Variants in AMPH observed in about 807,000 individuals in gnomAD.
The protein encoded by AMPH is amphiphysin.
AMPH carries 49 observed loss-of-function variants against 99.1 expected under a neutral mutation model. The ratio of observed to expected loss-of-function variants is 0.49; its 90% CI spans 0.39 to 0.63. The LOEUF (loss-of-function observed/expected upper bound fraction) is 0.63. Among genes scored for constraint, AMPH ranks in the 20% least tolerant of loss-of-function variants. AMPH has a pLI of 0.00. For synonymous variants in AMPH, 314 were observed against 317.3 expected (o/e 0.99, Z 0.11); for missense variants, 759 against 863.4 (o/e 0.88, Z 1.52).
At chr7:38,492,673 C>A (rs952009904) in intron 4 of AMPH, among the ~76,000 whole-genome samples, 1 of 152,118 alleles carries the variant, frequency 6.6e-6, no homozygotes, top group East Asian at 1.9e-4. Flanking sequence ...ATCACAAGAG[C>A]CTATGTTTGC....
intron 17 of AMPH, among the ~76,000 whole-genome samples, chr7:38,410,779 C>T (rs903724851): frequency 2.0e-5 from 3 of 152,156 alleles, no homozygotes; most frequent in Non-Finnish European, 2.9e-5. Flanking sequence ...CAAATACATC[C>T]CCTTTGAAAT....
At chr7:38,511,390 T>C (rs1333301282) in intron 2 of AMPH, among the ~76,000 whole-genome samples, 1 of 152,226 alleles carries the variant, frequency 6.6e-6, no homozygotes, top group East Asian at 1.9e-4. Flanking sequence ...TTTGTACTTT[T>C]AAGTATCAAA....
chr7:38,492,852 AT>A lies in AMPH; in HGVS notation c.300+1580del, dbSNP rs574717713. 2.1e-4 allele frequency among the ~76,000 whole-genome samples: 32 copies of A among 152,284 alleles called. No homozygotes were observed. In the East Asian group the frequency reaches 2.7e-3, roughly 13 times the overall value. ...AGTTTCTATTATTTCCTTAAAAATT[AT>A]TTTTTTGTGATGAATTTTTAGTTAT... is the stretch of plus-strand genomic sequence containing the variant. On this transcript the variant is annotated intron_variant, in intron 4 of 20. Transcript: ENST00000356264.
At chr7:38,437,170 T>C (rs1200030404) in intron 11 of AMPH, among the ~76,000 whole-genome samples, 1 of 152,192 alleles carries the variant, frequency 6.6e-6, no homozygotes, top group Non-Finnish European at 1.5e-5. Context: ...ATTTGTGGTA[T>C]CATAATACAT....
At chr7:38,438,442 C>T (rs1186241579) in intron 11 of AMPH, among the ~76,000 whole-genome samples, 1 of 152,152 alleles carries the variant, frequency 6.6e-6, no homozygotes, top group Admixed American at 6.6e-5. Flanking sequence ...GACTCCAATG[C>T]CTGCCAGGCT....
chr7:38,493,409 T>C (rs909354272), intron 4 of AMPH, among the ~76,000 whole-genome samples: 12 of 152,110 alleles, frequency 7.9e-5, no homozygotes, highest in Non-Finnish European at 1.2e-4. Context: ...ACTGAGTAGG[T>C]AGAGGACATC....
intron 2 of AMPH, among the ~76,000 whole-genome samples, chr7:38,528,239 A>C (rs1393188156): frequency 6.6e-6 from 1 of 152,148 alleles, no homozygotes; most frequent in Admixed American, 6.5e-5. Context: ...TTTTGGTATC[A>C]AGGTAATACA....
intron 3 of AMPH, among the ~76,000 whole-genome samples, chr7:38,500,467 C>A (rs79682153): frequency 1.4e-4 from 22 of 152,106 alleles, no homozygotes; most frequent in African/African-American, 5.3e-4. Context: ...TTATCTGATG[C>A]TTCACCCAGC....
chr7:38,505,650 C>T (rs537454500), intron 2 of AMPH, among the ~76,000 whole-genome samples: 3 of 152,130 alleles, frequency 2.0e-5, no homozygotes, highest in Admixed American at 2.0e-4. Flanking sequence ...TAGTAGAAAA[C>T]TATTTCCAGA....
chr7:38,588,865 T>C (rs1247201342), intron 1 of AMPH, among the ~76,000 whole-genome samples: 1 of 152,146 alleles, frequency 6.6e-6, no homozygotes, highest in Admixed American at 6.5e-5. Context: ...AGGCCATAAT[T>C]GTTAAAAATT....
chr7:38,548,674 C>T (rs1419877252), intron 1 of AMPH, among the ~76,000 whole-genome samples: 2 of 151,990 alleles, frequency 1.3e-5, no homozygotes, highest in Non-Finnish European at 2.9e-5. Flanking sequence ...GAGGGGGTCC[C>T]GAGCAGGTCT....
intron 1 of AMPH, among the ~76,000 whole-genome samples, chr7:38,624,053 G>A (rs758035559): frequency 6.6e-6 from 1 of 152,148 alleles, no homozygotes; most frequent in African/African-American, 2.4e-5. Flanking sequence ...AGCAAATGAC[G>A]ATGAAACCCT....
chr7:38,384,777 A>C lies in AMPH; in HGVS notation c.*41T>G. ...CTCTTCAGGTTTTCATGAAGGTTTA[A>C]AAACCCCGTAACTGAGCTCCTTCTT... On this transcript the variant is annotated 3_prime_UTR_variant, in exon 21 of 21. Transcript: ENST00000356264. 2.8e-4 allele frequency: 438 copies of C among 1,541,068 alleles called. No individual in the cohort carries two copies. The highest frequency in any genetic ancestry group is 3.5e-4 in the Non-Finnish European group (392 of 1,114,752).
At chr7:38,399,029 C>T (rs559468634) in intron 17 of AMPH, among the ~76,000 whole-genome samples, 2 of 152,096 alleles carry the variant, frequency 1.3e-5, no homozygotes, top group African/African-American at 4.8e-5. Context: ...ATGCAGAAAA[C>T]GAATTTTAAG....
At chr7:38,506,871 G>A (rs1472666158) in intron 2 of AMPH, among the ~76,000 whole-genome samples, 5 of 152,220 alleles carry the variant, frequency 3.3e-5, no homozygotes, top group African/African-American at 9.7e-5. Flanking sequence ...GGATTCTGCT[G>A]TACCAGTCAT....
chr7:38,445,847 G>C (rs1786758767), intron 11 of AMPH, among the ~76,000 whole-genome samples: 1 of 152,130 alleles, frequency 6.6e-6, no homozygotes, highest in African/African-American at 2.4e-5. Flanking sequence ...TGGGGGCGGA[G>C]TTTTCATGAA....
chr7:38,492,477 A>AACAC (rs3837077), intron 4 of AMPH, among the ~76,000 whole-genome samples: 51 of 152,184 alleles, frequency 3.4e-4, no homozygotes, highest in South Asian at 4.1e-4. Context: ...ATCTTGTTAA[A>AACAC]ACACACACAC....
At chr7:38,580,203 A>C (rs1792395036) in intron 1 of AMPH, among the ~76,000 whole-genome samples, 1 of 152,164 alleles carries the variant, frequency 6.6e-6, no homozygotes, top group Non-Finnish European at 1.5e-5. Context: ...AGGCCAGAGG[A>C]AAGATGAAAA....
intron 5 of AMPH, among the ~76,000 whole-genome samples, chr7:38,485,180 G>A (rs1788440194): frequency 6.6e-6 from 1 of 151,838 alleles, no homozygotes; most frequent in African/African-American, 2.4e-5. Context: ...AAGACATAGA[G>A]TGGCTAAATG....
Sources: gnomAD v4.1 joint callset for allele counts (sites outside exome capture counted in the v4.1 genomes callset) on GRCh38, gnomAD v4.1.1 for gene constraint, MANE v1.5 for transcripts, NCBI Gene and HGNC (gene_info 2026-07-23, HGNC 2026-07-21) for gene names.